The following XKR6 variants were observed in gnomAD, a reference collection of about 807,000 sequenced individuals.
The protein encoded by XKR6 is XK related 6, also known as XK-related protein 6.
A neutral mutation model predicts 56.7 loss-of-function variants in XKR6; 22 were observed. The observed-to-expected ratio is 0.39, with a 90% CI of 0.28 to 0.55. The LOEUF is 0.55. Ranked by LOEUF, XKR6 falls within the 20% of genes least tolerant of loss-of-function variation. The probability of loss-of-function intolerance (pLI) is 0.66; values close to 1 mark genes in which losing one functional copy is unlikely to be tolerated. For synonymous variants in XKR6, 524 were observed against 387.8 expected (o/e 1.35, Z -4.13); for missense variants, 852 against 889.0 (o/e 0.96, Z 0.53).
At chr8:10,899,559 C>T (rs1336442795) in intron 2 of XKR6, among the ~76,000 whole-genome samples, 3 of 152,240 alleles carry the variant, frequency 2.0e-5, no homozygotes, top group Non-Finnish European at 4.4e-5. Context: ...CTTCCTCTCT[C>T]ACCCACTCTG....
intron 1 of XKR6, among the ~76,000 whole-genome samples, chr8:11,153,612 T>C (rs1332658868): frequency 6.6e-6 from 1 of 152,250 alleles, no homozygotes; most frequent in Non-Finnish European, 1.5e-5. Context: ...TTAAATGAGT[T>C]GCAATATACC....
intron 1 of XKR6, among the ~76,000 whole-genome samples, chr8:11,042,806 C>A (rs574026651): frequency 6.6e-6 from 1 of 152,358 alleles, no homozygotes; most frequent in African/African-American, 2.4e-5. Flanking sequence ...ACATTTGGAT[C>A]CCAGCAGTGG....
chr8:11,098,021 G>C (rs1220242748), intron 1 of XKR6, among the ~76,000 whole-genome samples: 2 of 152,050 alleles, frequency 1.3e-5, no homozygotes, highest in Non-Finnish European at 2.9e-5. Flanking sequence ...GTGCAATTTT[G>C]CAGGGGGGCT....
At chr8:11,000,167 C>T (rs1798206366) in intron 1 of XKR6, among the ~76,000 whole-genome samples, 1 of 152,094 alleles carries the variant, frequency 6.6e-6, no homozygotes, top group Admixed American at 6.5e-5. Context: ...ACCAAGACTT[C>T]CTCACCCCTG....
intron 1 of XKR6, among the ~76,000 whole-genome samples, chr8:10,928,336 C>G (rs1026627821): frequency 6.6e-6 from 1 of 152,232 alleles, no homozygotes; most frequent in African/African-American, 2.4e-5. Flanking sequence ...CCTCGAGGCT[C>G]TAGGATTCTT....
At chr8:10,935,696 G>C (rs1801189644) in intron 1 of XKR6, among the ~76,000 whole-genome samples, 1 of 150,908 alleles carries the variant, frequency 6.6e-6, no homozygotes. Context: ...CAGTTTCCAT[G>C]TAGTTGAGCG....
intron 1 of XKR6, among the ~76,000 whole-genome samples, chr8:10,969,941 T>G (rs375277513): frequency 2.6e-5 from 4 of 152,236 alleles, no homozygotes; most frequent in African/African-American, 7.2e-5. Context: ...TAAGCTCCCA[T>G]GTGGGGTCTC....
At chr8:11,019,608 CCA>C (rs1586438634) in intron 1 of XKR6, among the ~76,000 whole-genome samples, 1 of 152,186 alleles carries the variant, frequency 6.6e-6, no homozygotes, top group Admixed American at 6.5e-5. Flanking sequence ...GGTCTGGGCC[CCA>C]GTTTCCACCT....
At chr8:10,951,107 T>C (rs1401253835) in intron 1 of XKR6, among the ~76,000 whole-genome samples, 1 of 152,198 alleles carries the variant, frequency 6.6e-6, no homozygotes, top group African/African-American at 2.4e-5. Flanking sequence ...GCTGCTGTTC[T>C]GGGCCAGTCC....
At chr8:11,060,416 C>A (rs143053825) in intron 1 of XKR6, among the ~76,000 whole-genome samples, 248 of 152,350 alleles carry the variant, frequency 1.6e-3, no homozygotes, top group Non-Finnish European at 2.3e-3. Context: ...CCTGCCTCCT[C>A]CGCAGCCCCG....
chr8:10,968,161 G>C (rs1198336523), intron 1 of XKR6, among the ~76,000 whole-genome samples: 1 of 152,154 alleles, frequency 6.6e-6, no homozygotes, highest in Non-Finnish European at 1.5e-5. Context: ...CTCCATTCCT[G>C]GCCTTGCATC....
intron 1 of XKR6, chr8:11,002,418 G>A (rs766721559): frequency 7.2e-5 from 29 of 401,788 alleles, no homozygotes; most frequent in African/African-American, 5.0e-4. Flanking sequence ...GGGGAGGCCC[G>A]CGTGCAGCAG....
At chr8:10,991,670 G>A (rs960589963) in intron 1 of XKR6, among the ~76,000 whole-genome samples, 10 of 152,032 alleles carry the variant, frequency 6.6e-5, no homozygotes, top group Admixed American at 1.3e-4. Flanking sequence ...GGCAATCAGT[G>A]GTTAACCTCT....
chr8:11,155,814 T>C (rs1287139493), intron 1 of XKR6, among the ~76,000 whole-genome samples: 1 of 152,192 alleles, frequency 6.6e-6, no homozygotes, highest in Non-Finnish European at 1.5e-5. Flanking sequence ...AATGCAAACA[T>C]GATCTTCTGT....
intron 1 of XKR6, among the ~76,000 whole-genome samples, chr8:11,132,915 A>G (rs1800184793): frequency 6.6e-6 from 1 of 152,134 alleles, no homozygotes; most frequent in African/African-American, 2.4e-5. Context: ...TCTAAAGACA[A>G]AAGTTGCTTT....
At chr8:10,946,386 G>C (rs961683674) in intron 1 of XKR6, among the ~76,000 whole-genome samples, 1 of 152,140 alleles carries the variant, frequency 6.6e-6, no homozygotes, top group African/African-American at 2.4e-5. Flanking sequence ...CCCACCCGGG[G>C]CAGTGAACGT....
In XKR6 at chr8:10,898,297, C is replaced by A. The variant is rs147823933; in HGVS notation, c.1581G>T (p.Glu527Asp). ...ACCCAGGGATCTCAGGCGCCATGGG[C>A]TCAACATCGGGGGGCAAAGGGATGC... ...LWGIPLPPDVEPMAPEIPGYR... is the reference protein window; with the variant it reads ...LWGIPLPPDVDPMAPEIPGYR... Residue 527 changes from glutamate (E) to aspartate (D), a missense_variant, in exon 3 of 3, where the codon GAG becomes GAT. By Grantham distance (45) the Glu-to-Asp change is conservative (BLOSUM62 2). Coordinates refer to ENST00000416569, the MANE Select transcript of XKR6 (RefSeq NM_173683.4). This position sits in a 1 kb window ranked among gnomAD's most constrained non-coding sequence, Gnocchi z 6.6. 19 of 1,613,958 alleles carry A rather than the reference C, an allele frequency of 1.2e-5. No individual in the cohort carries two copies. The highest frequency in any genetic ancestry group is 1.5e-5 in the Non-Finnish European group (18 of 1,179,994).
intron 1 of XKR6, among the ~76,000 whole-genome samples, chr8:11,102,551 T>C (rs961935888): frequency 6.6e-6 from 1 of 152,070 alleles, no homozygotes; most frequent in African/African-American, 2.4e-5. Context: ...ACACCAATTG[T>C]TGAGAAATGT....
chr8:11,086,171 A>C (rs1386955852), intron 1 of XKR6, among the ~76,000 whole-genome samples: 2 of 147,400 alleles, frequency 1.4e-5, no homozygotes, highest in South Asian at 2.1e-4. Flanking sequence ...AAAAACAAGC[A>C]TAATTCATAA....
Sources: allele counts gnomAD v4.1 joint callset (sites outside exome capture counted in the v4.1 genomes callset), GRCh38; gene constraint gnomAD v4.1.1; non-coding constraint Gnocchi (gnomAD v3.1); transcripts MANE v1.5; gene names NCBI Gene and HGNC (gene_info 2026-07-23, HGNC 2026-07-21).